The following EMILIN2 variants were observed in gnomAD, a reference collection of about 807,000 sequenced individuals.
EMILIN2 encodes the protein EMILIN-2.
In EMILIN2, 71 loss-of-function variants were observed where a neutral mutation model predicts 87.1. That is an observed-to-expected ratio of 0.82 (90% CI 0.67 to 0.99). EMILIN2 has a LOEUF of 0.99. Among genes scored for constraint, EMILIN2 ranks in the 50% least tolerant of loss-of-function variants. The pLI, the probability that EMILIN2 is intolerant of heterozygous loss-of-function variation, is 0.00. For synonymous variants in EMILIN2, 581 were observed against 563.4 expected, an observed-to-expected ratio of 1.03 and a Z score of -0.44; for missense variants, 1,407 against 1,371.8, an observed-to-expected ratio of 1.03 and a Z score of -0.40.
intron 7 of EMILIN2, among the ~76,000 whole-genome samples, chr18:2,911,509 G>A (rs897964138): frequency 2.6e-5 from 4 of 152,226 alleles, no homozygotes; most frequent in East Asian, 1.9e-4. Flanking sequence ...ACTATTGGGC[G>A]ACTGCCTTTC....
chr18:2,912,215 T>G (rs1350486527), intron 7 of EMILIN2, among the ~76,000 whole-genome samples: 1 of 151,528 alleles, frequency 6.6e-6, no homozygotes, highest in East Asian at 1.9e-4. Flanking sequence ...ATTTTTTTTG[T>G]ATTTTTAGTA....
intron 2 of EMILIN2, among the ~76,000 whole-genome samples, chr18:2,868,110 T>A (rs1480625516): frequency 6.6e-6 from 1 of 151,684 alleles, no homozygotes; most frequent in Non-Finnish European, 1.5e-5. Context: ...GAGGGACTCC[T>A]GACTTCTCAG....
intron 3 of EMILIN2, among the ~76,000 whole-genome samples, chr18:2,889,431 G>A (rs550722655): frequency 1.3e-5 from 2 of 151,868 alleles, no homozygotes; most frequent in Admixed American, 6.6e-5. Context: ...AGCCATCATG[G>A]CTGGATGCAG....
chr18:2,913,596 G>T lies in EMILIN2; in HGVS notation c.*192G>T. On this transcript the variant is annotated 3_prime_UTR_variant, in exon 8 of 8. Coordinates refer to ENST00000254528, the MANE Select transcript of EMILIN2 (RefSeq NM_032048.3). ...CAGGCTGCAGGGAGTGAGGCACACG[G>T]TGAACATGGCCACTGACTTTTCTGC... 1.8e-6 allele frequency: 1 copy of T among 554,106 alleles called. No homozygotes were observed. Among genetic ancestry groups the T allele is most frequent in the East Asian group, 3.1e-5 (1 of 31,928 alleles). The allele number at this position is 554,106 out of a possible 1,614,324, so 34.3% of individuals were successfully genotyped here.
chr18:2,859,763 G>T (rs536489906), intron 2 of EMILIN2, among the ~76,000 whole-genome samples: 160 of 152,280 alleles, frequency 1.1e-3, no homozygotes, highest in African/African-American at 3.6e-3. Context: ...GAGAGATGAG[G>T]ATCCAGTTTC....
At chr18:2,850,857 T>G (rs2076598055) in intron 2 of EMILIN2, among the ~76,000 whole-genome samples, 1 of 150,574 alleles carries the variant, frequency 6.6e-6, no homozygotes, top group Non-Finnish European at 1.5e-5. Flanking sequence ...GGAGAGAGAG[T>G]GAAGCAAAGA....
intron 2 of EMILIN2, among the ~76,000 whole-genome samples, chr18:2,879,260 C>T (rs1003674584): frequency 8.5e-5 from 13 of 152,220 alleles, no homozygotes; most frequent in African/African-American, 1.2e-4. Context: ...GAGATGTTCA[C>T]GCTGCCCAAC....
chr18:2,873,355 A>G (rs1762732310), intron 2 of EMILIN2, among the ~76,000 whole-genome samples: 3 of 152,180 alleles, frequency 2.0e-5, no homozygotes, highest in Admixed American at 1.3e-4. Flanking sequence ...GATTGCAGTG[A>G]GCCAAGATTG....
At position 2,878,295 on chromosome 18, in the gene EMILIN2, G is replaced by C. The variant is rs140913402; in HGVS notation, c.258-6669G>C. On this transcript the variant is annotated intron_variant, in intron 2 of 7. Coordinates refer to ENST00000254528, the MANE Select transcript of EMILIN2 (RefSeq NM_032048.3). ...ACCTGAGGTCAGGAGTTCGAGACCA[G>C]CTTGGCCAACATGGCAAGACCCTGT... Among the ~76,000 whole-genome samples, 1,064 of 152,270 alleles carry C rather than the reference G, an allele frequency of 7.0e-3. 12 individuals are homozygous for C. The highest frequency in any genetic ancestry group is 0.024 in the African/African-American group (998 of 41,552).
rs565453439 is a variant in EMILIN2 at position 2,880,338 on chromosome 18, G to T, written c.258-4626G>T. ...TGGGCCAGTCTAGTGTCTTGACACG[G>T]TTGCTGAACCCATTAAAATGGGAAA... On this transcript the variant is annotated intron_variant, in intron 2 of 7. Transcript: ENST00000254528. This position sits in a 1 kb window ranked among gnomAD's most constrained non-coding sequence, Gnocchi z 4.1. 6.6e-6 allele frequency among the ~76,000 whole-genome samples: 1 copy of T among 152,168 alleles called. No individual in the cohort carries two copies. The highest frequency in any genetic ancestry group is 2.4e-5 in the African/African-American group (1 of 41,430).
chr18:2,862,826 A>C (rs962709583), intron 2 of EMILIN2, among the ~76,000 whole-genome samples: 12 of 152,240 alleles, frequency 7.9e-5, no homozygotes, highest in Non-Finnish European at 1.5e-4. Context: ...CTCTGGTAGA[A>C]TACAGCTGTG....
At chr18:2,875,251 A>G (rs1270662539) in intron 2 of EMILIN2, among the ~76,000 whole-genome samples, 1 of 152,216 alleles carries the variant, frequency 6.6e-6, no homozygotes, top group Non-Finnish European at 1.5e-5. Flanking sequence ...AGCTCTGAAT[A>G]GAAAGGGTTG....
chr18:2,862,946 T>G (rs2076668332), intron 2 of EMILIN2, among the ~76,000 whole-genome samples: 1 of 152,214 alleles, frequency 6.6e-6, no homozygotes, highest in South Asian at 2.1e-4. Flanking sequence ...TGGTTTAGTC[T>G]TGGGAGGGCA....
At chr18:2,912,908 A>T (rs2076947966) in intron 7 of EMILIN2, among the ~76,000 whole-genome samples, 159 bp from the exon 8 acceptor site, 1 of 152,080 alleles carries the variant, frequency 6.6e-6, no homozygotes, top group African/African-American at 2.4e-5. Flanking sequence ...GCTGTAGGGG[A>T]TGAGCATAAA....
In EMILIN2 at chr18:2,909,705, T is replaced by A; in HGVS notation, c.2710T>A (p.Ser904Thr). ...CTCTGCTCCAGGAGCTCCGGTGCCT[T>A]CTCTGGTGTCTTTTTCTGCGGGGCT... ...PVASPGAPVP[S>T]LVSFSAGLTQ... is the part of the protein sequence containing the mutation. Residue 904 changes from serine to threonine, a missense_variant, in exon 7 of 8, where the codon TCT (serine) becomes ACT (threonine). Physicochemically the swap from Ser to Thr is moderately conservative, Grantham distance 58 (BLOSUM62 1). Coordinates refer to ENST00000254528, the MANE Select transcript of EMILIN2 (RefSeq NM_032048.3). The A allele has an allele frequency of 1.2e-6, 2 of 1,613,990 alleles. No homozygotes were observed. Among genetic ancestry groups the A allele is most frequent in the African/African-American group, 2.7e-5 (2 of 75,036 alleles).
In EMILIN2 at chr18:2,890,873, C is replaced by T. The variant is rs770578467; in HGVS notation, c.746C>T (p.Pro249Leu). The change falls in exon 4 of 8, where the codon CCT (proline) becomes CTT (leucine). Residue 249 changes from proline (P) to leucine (L), a missense_variant. Transcript: ENST00000254528. This position sits in a 1 kb window ranked among gnomAD's most constrained non-coding sequence, Gnocchi z 4.7. ...VSGDTETGQS[P>L]GVFNTKESGM... ...GGAGACACAGAAACGGGCCAGAGTCCTGGTGTCTTCAACACTAAGGAATCT... is the reference window on the plus strand; with the variant it reads ...GGAGACACAGAAACGGGCCAGAGTCTTGGTGTCTTCAACACTAAGGAATCT... 4.3e-6 allele frequency: 7 copies of T among 1,613,768 alleles called. No individual in the cohort carries two copies. In the Admixed American group the frequency reaches 1.2e-4, roughly 27 times the overall value.
At chr18:2,854,866 C>T (rs1415765111) in intron 2 of EMILIN2, among the ~76,000 whole-genome samples, 1 of 152,204 alleles carries the variant, frequency 6.6e-6, no homozygotes, top group Non-Finnish European at 1.5e-5. Context: ...TTACATCTTC[C>T]AGAGCCAGTT....
Position 2,913,376 on chromosome 18 carries a change from TCTTATATC to T in EMILIN2, c.3138_3145del (p.Leu1046PhefsTer18). ...ATGTACTCCACATTTAGTGGGGTTT[TCTTATATC>T]CTTTCCTTTCCCACCTCTAAGGTGG... On this transcript the variant is annotated frameshift_variant, in exon 8 of 8. Coordinates refer to ENST00000254528, the MANE Select transcript of EMILIN2 (RefSeq NM_032048.3). LOFTEE classifies it high-confidence loss of function. 5.0e-6 allele frequency: 8 copies of T among 1,607,154 alleles called. No homozygotes were observed. The highest frequency in any genetic ancestry group is 5.9e-6 in the Non-Finnish European group (7 of 1,176,780).
rs1199421629 is a variant in EMILIN2 at position 2,915,092 on chromosome 18, A to G, written c.*1688A>G. ...ACTCGGCGCCCAAGGGGACGTGCTC[A>G]AGAGCTGCAGGGGCAGGGCCCAGGC... is the stretch of plus-strand genomic sequence containing the variant. On this transcript the variant is annotated 3_prime_UTR_variant, in exon 8 of 8. Transcript: ENST00000254528. 2 of 152,282 alleles carry G rather than the reference A, an allele frequency of 1.3e-5. No individual in the cohort carries two copies. The highest frequency in any genetic ancestry group is 2.9e-5 in the Non-Finnish European group (2 of 68,086). The allele number at this position is 152,282 out of a possible 1,614,324, so 9.4% of individuals were successfully genotyped here.
Sources: allele counts gnomAD v4.1 joint callset (sites outside exome capture counted in the v4.1 genomes callset), GRCh38; gene constraint gnomAD v4.1.1; non-coding constraint Gnocchi (gnomAD v3.1); transcripts MANE v1.5; gene names NCBI Gene and HGNC (gene_info 2026-07-23, HGNC 2026-07-21).